Variants in ANKRD18A observed in about 807,000 individuals in gnomAD.
The protein encoded by ANKRD18A is ankyrin repeat domain-containing protein 18A.
A neutral mutation model predicts 110.6 loss-of-function variants in ANKRD18A; 72 were observed. That is an observed-to-expected ratio of 0.65 (90% CI 0.54 to 0.79). The LOEUF (loss-of-function observed/expected upper bound fraction) is 0.79. Ranked by LOEUF, ANKRD18A falls within the 30% of genes least tolerant of loss-of-function variation. ANKRD18A has a pLI of 0.00. For missense variants in ANKRD18A, 934 were observed against 1,163.3 expected, an observed-to-expected ratio of 0.80 and a Z score of 2.87; for synonymous variants, 305 against 410.3, an observed-to-expected ratio of 0.74 and a Z score of 3.10.
intron 3 of ANKRD18A, among the ~76,000 whole-genome samples, chr9:38,613,167 G>A (rs1339508558): frequency 1.3e-5 from 2 of 151,814 alleles, no homozygotes; most frequent in South Asian, 4.2e-4. Context: ...GTACTCAGGT[G>A]GGCACAGTAG....
intron 6 of ANKRD18A, among the ~76,000 whole-genome samples, chr9:38,605,723 T>C (rs1375252357): frequency 6.6e-6 from 1 of 152,102 alleles, no homozygotes; most frequent in Admixed American, 6.5e-5. Flanking sequence ...AAGCAATTCT[T>C]CTGCCTCAGC....
downstream of ANKRD18A, chr9:38,569,246 T>G (rs894180755): frequency 4.1e-6 from 4 of 977,384 alleles, no homozygotes; most frequent in African/African-American, 1.8e-5. Context: ...AGAATGGAAT[T>G]GCTGCAAGGA....
At position 38,584,993 on chromosome 9, in the gene ANKRD18A, T is replaced by C. The variant is rs568903904; in HGVS notation, c.2247+1190A>G. On this transcript the variant is annotated intron_variant, in intron 12 of 15. Transcript: ENST00000399703. ...GTTATTTTACCCCCAAATATATATT[T>C]TTTGACATATTTTGAAATGGCTGTT... Among the ~76,000 whole-genome samples the C allele has an allele frequency of 2.0e-5, 3 of 152,278 alleles. No homozygotes were observed. The South Asian group carries it at 6.2e-4, about 32-fold the overall frequency.
At chr9:38,608,952 T>C (rs1269940263) in intron 5 of ANKRD18A, among the ~76,000 whole-genome samples, 1 of 152,076 alleles carries the variant, frequency 6.6e-6, no homozygotes, top group East Asian at 1.9e-4. Context: ...TCCCTAGCTG[T>C]TGAGTACAAT....
Position 38,578,097 on chromosome 9 carries a change from A to C in ANKRD18A, c.2299T>G (p.Leu767Val). Reference sequence around the variant, plus strand: ...TGAAGAACTTCATTGTCTTTGGCCAAATTGACACATTCTGAAGACACAGCT... The same window carrying C: ...TGAAGAACTTCATTGTCTTTGGCCACATTGACACATTCTGAAGACACAGCT... ...KEAVSSECVN[L>V]AKDNEVLHQE... The change falls in exon 13 of 16, where the codon TTG (leucine) becomes GTG (valine). Residue 767 changes from leucine (L) to valine (V), a missense_variant. By Grantham distance (32) the Leu-to-Val change is conservative. Coordinates refer to ENST00000399703, the MANE Select transcript of ANKRD18A (RefSeq NM_147195.4). 1 of 1,550,226 alleles carries C rather than the reference A, an allele frequency of 6.5e-7. No homozygotes were observed. The highest frequency in any genetic ancestry group is 8.7e-7 in the Non-Finnish European group (1 of 1,146,576).
Position 38,586,175 on chromosome 9 carries a change from A to T in ANKRD18A, c.2247+8T>A, listed in dbSNP as rs776636802. On this transcript the variant is annotated splice_region_variant and intron_variant, in intron 12 of 15. Coordinates refer to ENST00000399703, the MANE Select transcript of ANKRD18A (RefSeq NM_147195.4). ...CCTTAAGATAAAATAATAATTTTTT[A>T]AAATTACCTTCTGTTTTAGCTTCTT... 20 of 1,595,418 alleles carry T rather than the reference A, an allele frequency of 1.3e-5. No homozygotes were observed. Among genetic ancestry groups the T allele is most frequent in the African/African-American group, 9.5e-5 (7 of 73,748 alleles).
intron 12 of ANKRD18A, among the ~76,000 whole-genome samples, chr9:38,582,201 T>C (rs1824193744): frequency 6.6e-6 from 1 of 152,126 alleles, no homozygotes; most frequent in African/African-American, 2.4e-5. Flanking sequence ...TAGTAGACTA[T>C]TTCAGCAGAT....
At chr9:38,574,568 C>T (rs536021033) in intron 15 of ANKRD18A, among the ~76,000 whole-genome samples, 3 of 151,974 alleles carry the variant, frequency 2.0e-5, no homozygotes, top group Non-Finnish European at 2.9e-5. Context: ...CCGCCTGCCT[C>T]GGCCTCCCAA....
chr9:38,612,534 T>TTTTTTTTC (rs1392817540), intron 3 of ANKRD18A, among the ~76,000 whole-genome samples: 1 of 150,826 alleles, frequency 6.6e-6, no homozygotes. Context: ...TTTTTTTTTT[T>TTTTTTTTC]GGAAATGGGG....
At position 38,611,205 on chromosome 9, in the gene ANKRD18A, A is replaced by G; in HGVS notation, c.602+10T>C. 1 of 1,521,368 alleles carries G rather than the reference A, an allele frequency of 6.6e-7. No individual in the cohort carries two copies. Among genetic ancestry groups the G allele is most frequent in the Non-Finnish European group, 8.8e-7 (1 of 1,137,948 alleles). The allele number at this position is 1,521,368 out of a possible 1,614,324, so 94.2% of individuals were successfully genotyped here. A position where few individuals can be genotyped will look rare whatever the true frequency, so the allele number is the denominator to read the frequency against. On this transcript the variant is annotated intron_variant, in intron 4 of 15. Coordinates refer to ENST00000399703, the MANE Select transcript of ANKRD18A (RefSeq NM_147195.4). ...GGAAAAAAGAAAACAAAAAACAAAAACTATTGCACCTTTTGAAATTGTCAA... is the reference window on the plus strand; with the variant it reads ...GGAAAAAAGAAAACAAAAAACAAAAGCTATTGCACCTTTTGAAATTGTCAA...
intron 6 of ANKRD18A, among the ~76,000 whole-genome samples, chr9:38,605,574 T>C (rs1825315414): frequency 6.6e-6 from 1 of 152,204 alleles, no homozygotes; most frequent in African/African-American, 2.4e-5. Context: ...AGAGTTTGGC[T>C]ATTGGAACAT....
chr9:38,590,547 C>G (rs1270937131), intron 10 of ANKRD18A, among the ~76,000 whole-genome samples: 1 of 152,182 alleles, frequency 6.6e-6, no homozygotes, highest in Admixed American at 6.5e-5. Flanking sequence ...CCACGGCACC[C>G]AGCCCTTTTT....
chr9:38,569,320 G>C (rs1823555207), downstream of ANKRD18A: 15 of 980,604 alleles, frequency 1.5e-5, no homozygotes, highest in Non-Finnish European at 1.5e-5. Context: ...ACCCTCAGTA[G>C]CTGCCCAGAG....
At chr9:38,603,950 T>C (rs1825241395) in intron 6 of ANKRD18A, among the ~76,000 whole-genome samples, 1 of 152,234 alleles carries the variant, frequency 6.6e-6, no homozygotes, top group African/African-American at 2.4e-5. Context: ...TAACTACATT[T>C]GCTTTCCCAG....
chr9:38,599,201 G>A (rs1403891645), intron 8 of ANKRD18A, among the ~76,000 whole-genome samples: 1 of 152,124 alleles, frequency 6.6e-6, no homozygotes, highest in Non-Finnish European at 1.5e-5. Flanking sequence ...AAGTGTGTTG[G>A]AGGGACCCAG....
rs1231528858 is a variant in ANKRD18A at position 38,617,333 on chromosome 9, G to A, written c.207-1289C>T. 5.3e-5 allele frequency among the ~76,000 whole-genome samples: 8 copies of A among 152,046 alleles called. 1 individual carries two copies. Among genetic ancestry groups the A allele is most frequent in the South Asian group, 4.1e-4 (2 of 4,822 alleles). ...CAGGCACCTGTAATCCCAGCTACTC[G>A]GGAGGCTGAGGCAGGATAATCACTT... On this transcript the variant is annotated intron_variant, in intron 1 of 15. Coordinates refer to ENST00000399703, the MANE Select transcript of ANKRD18A (RefSeq NM_147195.4).
intron 5 of ANKRD18A, among the ~76,000 whole-genome samples, chr9:38,609,578 T>A (rs1279408813): frequency 2.0e-5 from 3 of 152,040 alleles, no homozygotes; most frequent in Non-Finnish European, 4.4e-5. Flanking sequence ...AAGGGCATCC[T>A]GGTGGCAAAA....
chr9:38,595,896 T>C lies in ANKRD18A; in HGVS notation c.1444A>G (p.Lys482Glu), dbSNP rs1264275730. Reference protein sequence around the residue: ...LTEQVHKARVKFNTLKGKLRE... With the variant: ...LTEQVHKARVEFNTLKGKLRE... ...AGCTTACCTTTTAAGGTATTGAACT[T>C]CACCCGAGCTTTATGGACCTGTTCA... The change falls in exon 9 of 16, where the codon AAG becomes GAG. Residue 482 changes from lysine (K) to glutamate (E), a missense_variant. Transcript: ENST00000399703. The C allele has an allele frequency of 6.4e-7, 1 of 1,551,170 alleles. No individual in the cohort carries two copies. The highest frequency in any genetic ancestry group is 1.4e-5 in the African/African-American group (1 of 73,020).
At chr9:38,569,124 A>G (rs1050810057), downstream of ANKRD18A, 9 of 985,348 alleles carry the variant, frequency 9.1e-6, no homozygotes, top group African/African-American at 1.6e-4. Context: ...GGAACCAAGT[A>G]GGGCGGTTGT....
Sources: allele counts gnomAD v4.1 joint callset (sites outside exome capture counted in the v4.1 genomes callset), GRCh38; gene constraint gnomAD v4.1.1; transcripts MANE v1.5; gene names NCBI Gene and HGNC (gene_info 2026-07-23, HGNC 2026-07-21).